ZCCHC7: variants seen among roughly 807,000 people sequenced by gnomAD.
The protein encoded by ZCCHC7 is zinc finger CCHC-type containing 7.
ZCCHC7 carries 35 observed loss-of-function variants against 52.0 expected under a neutral mutation model. The observed-to-expected ratio is 0.67, with a 90% CI of 0.51 to 0.89. ZCCHC7 has a LOEUF of 0.89. ZCCHC7 is among the 40% of genes least tolerant of loss of function. ZCCHC7 has a pLI of 0.00. For missense variants in ZCCHC7, 574 were observed against 649.1 expected, an observed-to-expected ratio of 0.88 and a Z score of 1.26; for synonymous variants, 217 against 221.5, an observed-to-expected ratio of 0.98 and a Z score of 0.18.
At chr9:37,125,223 C>T (rs1842492544) in intron 1 of ZCCHC7, among the ~76,000 whole-genome samples, 1 of 152,148 alleles carries the variant, frequency 6.6e-6, no homozygotes, top group Non-Finnish European at 1.5e-5. Context: ...GAGCATAGCT[C>T]ACTGTAACTT....
intron 2 of ZCCHC7, among the ~76,000 whole-genome samples, chr9:37,229,264 G>A (rs1222507646): frequency 6.6e-6 from 1 of 151,886 alleles, no homozygotes; most frequent in African/African-American, 2.4e-5. Context: ...ACAATAAAAT[G>A]CTATATAAGA....
intron 2 of ZCCHC7, among the ~76,000 whole-genome samples, chr9:37,206,665 G>A (rs1823933694): frequency 2.0e-5 from 3 of 151,970 alleles, no homozygotes. Flanking sequence ...CTTTCTATGT[G>A]GCCAGTTTCT....
At chr9:37,169,522 G>A (rs186805720) in intron 2 of ZCCHC7, among the ~76,000 whole-genome samples, 146 of 152,184 alleles carry the variant, frequency 9.6e-4, no homozygotes, top group African/African-American at 3.4e-3. Flanking sequence ...TTTCACTATG[G>A]ATACTTTATC....
chr9:37,279,514 G>A (rs904979241), intron 2 of ZCCHC7, among the ~76,000 whole-genome samples: 1 of 151,816 alleles, frequency 6.6e-6, no homozygotes, highest in African/African-American at 2.4e-5. Flanking sequence ...ACGAAAGGAC[G>A]GACAGAGTAA....
chr9:37,126,777 A>T lies in ZCCHC7; in HGVS notation c.445A>T (p.Ile149Phe). The T allele has an allele frequency of 1.2e-6, 2 of 1,614,180 alleles. No homozygotes were observed. Reference protein sequence around the residue: ...KPKSEERSGVIREVMIIEVSS... With the variant: ...KPKSEERSGVFREVMIIEVSS... ...TAAATCTGAAGAGAGATCAGGTGTA[A>T]TCCGAGAGGTCATGATTATAGAGGT... is the stretch of plus-strand genomic sequence containing the variant. Residue 149 changes from isoleucine to phenylalanine, a missense_variant, in exon 2 of 9, where the codon ATC (isoleucine) becomes TTC (phenylalanine). Physicochemically the swap from Ile to Phe is conservative, Grantham distance 21 (BLOSUM62 0). This residue lies in a region of ZCCHC7 where 403 missense variants were observed against 461.2 expected (regional missense o/e 0.87). Transcript: ENST00000336755.
intron 2 of ZCCHC7, among the ~76,000 whole-genome samples, chr9:37,227,167 G>A (rs895903619): frequency 2.0e-5 from 3 of 151,952 alleles, no homozygotes; most frequent in Non-Finnish European, 2.9e-5. Flanking sequence ...GACTTCAAAG[G>A]ATACTTTAAT....
rs181217941 is a variant in ZCCHC7, at chr9:37,288,633, G to C, written c.611-13555G>C. On this transcript the variant is annotated intron_variant, in intron 2 of 8. Transcript: ENST00000336755. ...CATTCCATCCAAACTTCTCTTAATAGGATCACCAGTGACTTTCCTAATAAA... is the reference window on the plus strand; with the variant it reads ...CATTCCATCCAAACTTCTCTTAATACGATCACCAGTGACTTTCCTAATAAA... 3.3e-5 allele frequency among the ~76,000 whole-genome samples: 5 copies of C among 152,080 alleles called. No individual in the cohort carries two copies. The East Asian group carries it at 9.7e-4, about 29-fold the overall frequency.
chr9:37,228,834 AC>A (rs1297128782), intron 2 of ZCCHC7, among the ~76,000 whole-genome samples: 16 of 147,490 alleles, frequency 1.1e-4, no homozygotes, highest in Middle Eastern at 3.5e-3. Flanking sequence ...AAAAGAGGGA[AC>A]TTTTTTTTTT....
At chr9:37,164,413 C>G (rs10973236) in intron 2 of ZCCHC7, among the ~76,000 whole-genome samples, 4,636 of 151,742 alleles carry the variant, frequency 0.031, 164 homozygotes, top group African/African-American at 0.077. Context: ...CCACTGCACT[C>G]CAGCCGGGGT....
intron 2 of ZCCHC7, among the ~76,000 whole-genome samples, chr9:37,152,863 G>A (rs1820607040): frequency 6.6e-6 from 1 of 152,110 alleles, no homozygotes; most frequent in South Asian, 2.1e-4. Flanking sequence ...CATACTTAAG[G>A]AAGAGAGTGT....
At chr9:37,313,105 C>T (rs1167922607) in intron 5 of ZCCHC7, among the ~76,000 whole-genome samples, 1 of 152,134 alleles carries the variant, frequency 6.6e-6, no homozygotes, top group Non-Finnish European at 1.5e-5. Flanking sequence ...TTACACCTAC[C>T]TTTGGAAATA....
At chr9:37,261,609 C>T (rs1487961945) in intron 2 of ZCCHC7, among the ~76,000 whole-genome samples, 1 of 152,176 alleles carries the variant, frequency 6.6e-6, no homozygotes, top group Non-Finnish European at 1.5e-5. Context: ...TGAAGGTGCC[C>T]TGCTCCATTT....
At chr9:37,301,278 C>G (rs1321764566) in intron 2 of ZCCHC7, among the ~76,000 whole-genome samples, 1 of 152,180 alleles carries the variant, frequency 6.6e-6, no homozygotes, top group African/African-American at 2.4e-5. Context: ...ATCAGTAACT[C>G]TGAAGAAGAG....
chr9:37,312,163 T>G (rs1294828440), intron 5 of ZCCHC7, among the ~76,000 whole-genome samples: 1 of 152,244 alleles, frequency 6.6e-6, no homozygotes, highest in Non-Finnish European at 1.5e-5. Context: ...CATATTATTG[T>G]GCTGAATAAC....
chr9:37,216,055 G>A (rs1824485814), intron 2 of ZCCHC7, among the ~76,000 whole-genome samples: 2 of 152,276 alleles, frequency 1.3e-5, no homozygotes, highest in Non-Finnish European at 2.9e-5. Flanking sequence ...AACTAACAAA[G>A]TAGTGACTCA....
At chr9:37,332,356 G>A (rs1830480616) in intron 6 of ZCCHC7, among the ~76,000 whole-genome samples, 1 of 143,102 alleles carries the variant, frequency 7.0e-6, no homozygotes, top group African/African-American at 2.5e-5. Context: ...TGAATAACAA[G>A]ATTTTTTTTT....
chr9:37,130,647 C>T (rs1180803058), intron 2 of ZCCHC7, among the ~76,000 whole-genome samples: 3 of 151,792 alleles, frequency 2.0e-5, no homozygotes, highest in Non-Finnish European at 2.9e-5. Flanking sequence ...CACCTGCCAC[C>T]ACGCCTGGCT....
intron 2 of ZCCHC7, among the ~76,000 whole-genome samples, chr9:37,174,944 C>T (rs1196137280): frequency 6.6e-6 from 1 of 151,902 alleles, no homozygotes; most frequent in African/African-American, 2.4e-5. Context: ...CAAGACCAGC[C>T]TGGCCAATAT....
intron 2 of ZCCHC7, among the ~76,000 whole-genome samples, chr9:37,183,164 A>G (rs550348529): frequency 5.9e-5 from 9 of 152,384 alleles, no homozygotes; most frequent in Non-Finnish European, 1.2e-4. Flanking sequence ...ATTAAAAACC[A>G]TAAATCAGCA....
Sources: allele counts gnomAD v4.1 joint callset (sites outside exome capture counted in the v4.1 genomes callset), GRCh38; gene constraint gnomAD v4.1.1; regional missense constraint gnomAD v4.1.1; transcripts MANE v1.5; gene names NCBI Gene and HGNC (gene_info 2026-07-23, HGNC 2026-07-21).